ADGRD1: variants seen among roughly 807,000 people sequenced by gnomAD.
ADGRD1 encodes G-protein coupled receptor 133.
A neutral mutation model predicts 113.4 loss-of-function variants in ADGRD1; 77 were observed. That is an observed-to-expected ratio of 0.68 (90% confidence interval 0.57 to 0.82). ADGRD1 has a LOEUF of 0.82. Among genes scored for constraint, ADGRD1 ranks in the 40% least tolerant of loss-of-function variants. The pLI is 0.00. For missense variants in ADGRD1, 1,036 were observed against 1,139.1 expected, an observed-to-expected ratio of 0.91 and a Z score of 1.30; for synonymous variants, 474 against 475.0, an observed-to-expected ratio of 1.00 and a Z score of 0.03.
intron 8 of ADGRD1, among the ~76,000 whole-genome samples, chr12:130,994,666 G>A (rs1874988507): frequency 6.6e-6 from 1 of 152,240 alleles, no homozygotes; most frequent in South Asian, 2.1e-4. Flanking sequence ...ACCTACTTGT[G>A]GGTGGGTTGC....
At chr12:131,029,492 C>T (rs565004997) in intron 13 of ADGRD1, among the ~76,000 whole-genome samples, 1 of 151,572 alleles carries the variant, frequency 6.6e-6, no homozygotes, top group Non-Finnish European at 1.5e-5. Context: ...TTGTGGGACT[C>T]TCGTACGGTG....
chr12:131,041,965 T>G lies in ADGRD1; in HGVS notation c.1473+27625T>G, dbSNP rs1882177947. 6.6e-6 allele frequency among the ~76,000 whole-genome samples: 1 copy of G among 151,980 alleles called. No individual in the cohort carries two copies. Among genetic ancestry groups the G allele is most frequent in the Non-Finnish European group, 1.5e-5 (1 of 67,982 alleles). Reference sequence around the variant, plus strand: ...AGGAGAAGGCGCCGATGACCTAGGGTTCCTTCGCAGTCGGGTTTGTTATCC... The same window carrying G: ...AGGAGAAGGCGCCGATGACCTAGGGGTCCTTCGCAGTCGGGTTTGTTATCC... On this transcript the variant is annotated intron_variant, in intron 13 of 24. Coordinates refer to ENST00000261654, the MANE Select transcript of ADGRD1 (RefSeq NM_198827.5). This position sits in a 1 kb window ranked among gnomAD's most constrained non-coding sequence, Gnocchi z 4.4.
At chr12:131,131,954 C>T (rs918461343) in intron 21 of ADGRD1, 138 bp downstream of exon 21, 2 of 654,060 alleles carry the variant, frequency 3.1e-6, no homozygotes, top group Non-Finnish European at 5.5e-6. Context: ...TCCCTGCCAT[C>T]TCAGGGCAGC....
At chr12:131,135,743 C>T (rs1191655417) in intron 21 of ADGRD1, among the ~76,000 whole-genome samples, 2 of 152,202 alleles carry the variant, frequency 1.3e-5, no homozygotes, top group African/African-American at 4.8e-5. Flanking sequence ...AGCTCAAATG[C>T]AAGCCCTGGG....
chr12:131,132,536 C>T (rs1950962558), intron 21 of ADGRD1, among the ~76,000 whole-genome samples: 1 of 152,248 alleles, frequency 6.6e-6, no homozygotes, highest in African/African-American at 2.4e-5. Context: ...GCACCGGGCC[C>T]AGCTCGCCTT....
intron 13 of ADGRD1, among the ~76,000 whole-genome samples, chr12:131,072,169 GGT>G (rs1885237470): frequency 6.6e-6 from 1 of 151,688 alleles, no homozygotes; most frequent in African/African-American, 2.4e-5. Flanking sequence ...GTGAGAATCA[GGT>G]GTCTGCGGGC....
In ADGRD1 at chr12:130,979,817, TCACACACACACACA is replaced by T. The variant is rs10526212; in HGVS notation, c.311-2035_311-2022del. ...AGAATCCAGACAGGCAGCTAGTGTC[TCACACACACACACA>T]CACACACACACACACACACACACAC... On this transcript the variant is annotated intron_variant, in intron 4 of 24. Coordinates refer to ENST00000261654, the MANE Select transcript of ADGRD1 (RefSeq NM_198827.5). Among the ~76,000 whole-genome samples the T allele has an allele frequency of 4.3e-3, 233 of 53,936 alleles. 1 individual carries two copies. Among genetic ancestry groups the T allele is most frequent in the African/African-American group, 7.6e-3 (222 of 29,308 alleles). The allele number at this position is 53,936 out of a possible 152,430, so 35.4% of individuals were successfully genotyped here.
intron 20 of ADGRD1, among the ~76,000 whole-genome samples, chr12:131,130,777 T>C (rs1950900692): frequency 6.6e-6 from 1 of 151,296 alleles, no homozygotes; most frequent in Admixed American, 6.6e-5. Context: ...AAGCTGGCCA[T>C]CCCGTGCGGG....
At chr12:130,979,115 C>T (rs896587709) in intron 4 of ADGRD1, among the ~76,000 whole-genome samples, 1 of 152,344 alleles carries the variant, frequency 6.6e-6, no homozygotes, top group East Asian at 1.9e-4. Flanking sequence ...TCAGCTGCCC[C>T]AGGCCTCTGT....
rs1885638574 is a variant in ADGRD1 at position 131,076,648 on chromosome 12, C to A, written c.1474-153C>A. ...ATGACCTGGGCCAGGTGATGTGGGA[C>A]CACACCCACAATGGATGGAGATAGA... On this transcript the variant is annotated intron_variant, in intron 13 of 24. Transcript: ENST00000261654. 2.9e-5 allele frequency: 20 copies of A among 688,064 alleles called. 1 individual carries two copies. In the South Asian group the frequency reaches 3.3e-4, roughly 11 times the overall value. The allele number at this position is 688,064 out of a possible 1,614,324, so 42.6% of individuals were successfully genotyped here.
In ADGRD1 at chr12:131,050,838, T is replaced by C. The variant is rs1883305786; in HGVS notation, c.1474-25963T>C. On this transcript the variant is annotated intron_variant, in intron 13 of 24. Coordinates refer to ENST00000261654, the MANE Select transcript of ADGRD1 (RefSeq NM_198827.5). This position sits in a 1 kb window ranked among gnomAD's most constrained non-coding sequence, Gnocchi z 4.8. ...ATGAGGAGCTTGAAACCTAGATACC[T>C]CACAAGCAGAGTTCACGGTCGGTTT... Among the ~76,000 whole-genome samples the C allele has an allele frequency of 6.6e-6, 1 of 151,996 alleles. No individual in the cohort carries two copies. Among genetic ancestry groups the C allele is most frequent in the Non-Finnish European group, 1.5e-5 (1 of 68,000 alleles).
rs142135714 is a variant in ADGRD1, at chr12:131,038,412, G to A, written c.1473+24072G>A. Among the ~76,000 whole-genome samples the A allele has an allele frequency of 2.2e-3, 337 of 152,358 alleles. 1 individual carries two copies. The highest frequency in any genetic ancestry group is 7.8e-3 in the African/African-American group (324 of 41,590). On this transcript the variant is annotated intron_variant, in intron 13 of 24. Transcript: ENST00000261654. ...CTCCGGGTTGTTAGGCATCCACTCTGGTTTGGTATCGCAGAGCCGACACTC... is the reference window on the plus strand; with the variant it reads ...CTCCGGGTTGTTAGGCATCCACTCTAGTTTGGTATCGCAGAGCCGACACTC...
intron 8 of ADGRD1, among the ~76,000 whole-genome samples, chr12:130,997,593 A>G (rs1045731689): frequency 4.7e-5 from 7 of 150,140 alleles, no homozygotes; most frequent in Non-Finnish European, 7.4e-5. Flanking sequence ...CGCTCCCCAC[A>G]TCTCAGACGA....
chr12:130,975,508 TG>T (rs1872205480), intron 4 of ADGRD1, among the ~76,000 whole-genome samples: 1 of 152,194 alleles, frequency 6.6e-6, no homozygotes. Context: ...TCCCCTACAT[TG>T]AACCTATAGT....
chr12:130,955,857 C>T (rs530464884), intron 2 of ADGRD1, among the ~76,000 whole-genome samples: 3 of 152,288 alleles, frequency 2.0e-5, no homozygotes, highest in African/African-American at 4.8e-5. Flanking sequence ...ATCTCAGTCT[C>T]GGCTCTCTGC....
intron 15 of ADGRD1, among the ~76,000 whole-genome samples, chr12:131,093,452 C>T (rs1352480556): frequency 6.6e-6 from 1 of 152,212 alleles, no homozygotes; most frequent in African/African-American, 2.4e-5. Context: ...CCCCGTGCCC[C>T]GCGGTTACCC....
rs552707279 is a variant in ADGRD1, at chr12:131,109,063, A to G, written c.2041+186A>G. 8.5e-5 allele frequency among the ~76,000 whole-genome samples: 13 copies of G among 152,282 alleles called. 1 individual carries two copies. Among genetic ancestry groups the G allele is most frequent in the African/African-American group, 1.9e-4 (8 of 41,536 alleles). ...GAAAGTCAGATGTGCTTTCATCTTCATATTATCCTTCTTGGTGCCTCCTAG... is the reference window on the plus strand; with the variant it reads ...GAAAGTCAGATGTGCTTTCATCTTCGTATTATCCTTCTTGGTGCCTCCTAG... On this transcript the variant is annotated intron_variant, in intron 18 of 24. Coordinates refer to ENST00000261654, the MANE Select transcript of ADGRD1 (RefSeq NM_198827.5).
chr12:131,006,517 C>A (rs1220941472), intron 12 of ADGRD1, among the ~76,000 whole-genome samples: 2 of 152,156 alleles, frequency 1.3e-5, no homozygotes, highest in African/African-American at 4.8e-5. Context: ...CCGGGGACCC[C>A]GAGGACGCCG....
chr12:131,014,178 T>C (rs1473280164), intron 12 of ADGRD1, 21 bp from the exon 13 acceptor site: 2 of 1,610,566 alleles, frequency 1.2e-6, no homozygotes, highest in Non-Finnish European at 1.7e-6. Context: ...CATTTTGTAA[T>C]GATTTCCGTC....
Sources: gnomAD v4.1 joint callset for allele counts (sites outside exome capture counted in the v4.1 genomes callset) on GRCh38, gnomAD v4.1.1 for gene constraint, Gnocchi (gnomAD v3.1) non-coding constraint, MANE v1.5 for transcripts, NCBI Gene and HGNC (gene_info 2026-07-23, HGNC 2026-07-21) for gene names.